DCAF8: variants seen among roughly 807,000 people sequenced by gnomAD.
DCAF8 encodes DDB1- and CUL4-associated factor 8.
In DCAF8, 20 loss-of-function variants were observed where a neutral mutation model predicts 68.0. The observed-to-expected ratio is 0.29, with a 90% CI of 0.21 to 0.43. DCAF8 has a LOEUF of 0.43. Ranked by LOEUF, DCAF8 falls within the 20% of genes least tolerant of loss-of-function variation. The probability of loss-of-function intolerance (pLI) is 1.00; values close to 1 mark genes in which losing one functional copy is unlikely to be tolerated. For missense variants in DCAF8, 460 were observed against 771.0 expected (o/e 0.60, Z 4.78); for synonymous variants, 230 against 276.9 (o/e 0.83, Z 1.68).
chr1:160,235,102 A>G (rs1257760192), intron 6 of DCAF8, among the ~76,000 whole-genome samples: 1 of 151,956 alleles, frequency 6.6e-6, no homozygotes, highest in East Asian at 1.9e-4. Flanking sequence ...CCCTTACTCA[A>G]TACTGGTACT....
At chr1:160,241,411 G>C (rs1656111120) in intron 3 of DCAF8, among the ~76,000 whole-genome samples, 1 of 152,182 alleles carries the variant, frequency 6.6e-6, no homozygotes, top group Non-Finnish European at 1.5e-5. Flanking sequence ...ATATAAAATT[G>C]ATAAAAAGCT....
At chr1:160,256,012 CTT>C (rs11284812) in intron 2 of DCAF8, among the ~76,000 whole-genome samples, 1,961 of 75,380 alleles carry the variant, frequency 0.026, 51 homozygotes, top group African/African-American at 0.076. Context: ...ACTAAGCAAA[CTT>C]TTTTTTTTTT....
chr1:160,260,749 A>AT (rs1328039739), intron 2 of DCAF8, among the ~76,000 whole-genome samples: 2 of 151,020 alleles, frequency 1.3e-5, no homozygotes, highest in African/African-American at 4.9e-5. Flanking sequence ...ATTTCCCACT[A>AT]TATCCTAAAA....
In DCAF8 at chr1:160,237,204, C is replaced by T; in HGVS notation, c.890G>A (p.Cys297Tyr). The change falls in exon 6 of 14, where the codon TGT becomes TAT. Residue 297 changes from cysteine (C) to tyrosine (Y), a missense_variant. Around this residue, in one of 8 missense-constraint regions of DCAF8, gnomAD observed 170 missense variants for 318.2 expected, o/e 0.53. Coordinates refer to ENST00000368074, the MANE Select transcript of DCAF8 (RefSeq NM_015726.4). ...ATCTTCACCTGCAGATAAGAACGTACAGGGAGAGTCTGGTTCCAGTGCCAA... is the reference window on the plus strand; with the variant it reads ...ATCTTCACCTGCAGATAAGAACGTATAGGGAGAGTCTGGTTCCAGTGCCAA... ...HKLALEPDSPCTFLSAGEDAV... is the reference protein window; with the variant it reads ...HKLALEPDSPYTFLSAGEDAV... 1 of 1,575,282 alleles carries T rather than the reference C, an allele frequency of 6.3e-7. No homozygotes were observed. The highest frequency in any genetic ancestry group is 1.3e-5 in the African/African-American group (1 of 74,596).
Position 160,262,458 on chromosome 1 carries a change from C to T in DCAF8, c.-110G>A, listed in dbSNP as rs938301400. ...GCCGCCGCCATCTTACACTGGCCAG[C>T]GGCCGCCACCACCACCGCCTCCGCT... On this transcript the variant is annotated 5_prime_UTR_variant, in exon 1 of 14. Transcript: ENST00000368074. 2.5e-6 allele frequency: 1 copy of T among 401,180 alleles called. No homozygotes were observed. Among genetic ancestry groups the T allele is most frequent in the Admixed American group, 4.4e-5 (1 of 22,752 alleles). 24.9% of individuals were successfully genotyped at this position (401,180 alleles called of 1,614,324 possible).
intron 7 of DCAF8, among the ~76,000 whole-genome samples, chr1:160,228,615 T>C (rs984651671): frequency 6.6e-6 from 1 of 151,780 alleles, no homozygotes; most frequent in African/African-American, 2.4e-5. Context: ...CTTACCTTTT[T>C]TTTTTTTTTG....
At chr1:160,224,870 G>C (rs1011681161) in intron 9 of DCAF8, among the ~76,000 whole-genome samples, 192 bp downstream of exon 9, 7 of 152,238 alleles carry the variant, frequency 4.6e-5, no homozygotes, top group Non-Finnish European at 1.0e-4. Context: ...TTCTGCAAAT[G>C]GTACCTGGCA....
intron 2 of DCAF8, among the ~76,000 whole-genome samples, chr1:160,258,757 A>AT (rs1656942047): frequency 2.7e-3 from 1 of 364 alleles, no homozygotes; most frequent in African/African-American, 0.017. Flanking sequence ...CTCTACAAAA[A>AT]TAAAAAAAAC....
At chr1:160,241,070 T>C (rs576603501) in intron 3 of DCAF8, among the ~76,000 whole-genome samples, 3 of 152,302 alleles carry the variant, frequency 2.0e-5, no homozygotes, top group Admixed American at 6.5e-5. Flanking sequence ...TAGAATGGCA[T>C]GAACCCAGGA....
At chr1:160,259,281 TC>T (rs1442901001) in intron 2 of DCAF8, among the ~76,000 whole-genome samples, 2 of 152,184 alleles carry the variant, frequency 1.3e-5, no homozygotes, top group Non-Finnish European at 2.9e-5. Context: ...ACACCTGTAA[TC>T]CTAGCACTTT....
intron 4 of DCAF8, chr1:160,239,407 C>A (rs1656012273): frequency 7.1e-7 from 1 of 1,416,620 alleles, no homozygotes; most frequent in African/African-American, 1.4e-5. Flanking sequence ...TGAACTCAGG[C>A]AGTTTGGTTC....
At chr1:160,239,486 A>G in intron 4 of DCAF8, 2 of 1,466,030 alleles carry the variant, frequency 1.4e-6, no homozygotes, top group Non-Finnish European at 1.8e-6. Context: ...CACCCTACCT[A>G]TGAGGCTTCC....
chr1:160,243,304 G>GAAAT, intron 3 of DCAF8, among the ~76,000 whole-genome samples: 1 of 152,046 alleles, frequency 6.6e-6, no homozygotes, highest in East Asian at 1.9e-4. Context: ...AGGAAGGAAG[G>GAAAT]AAATAAATGG....
Position 160,216,002 on chromosome 1 carries a change from T to C in DCAF8, c.*1590A>G, listed in dbSNP as rs1373053522. The C allele has an allele frequency of 6.6e-6, 1 of 152,178 alleles. No individual in the cohort carries two copies. The highest frequency in any genetic ancestry group is 1.5e-5 in the Non-Finnish European group (1 of 68,020). 9.4% of individuals were successfully genotyped at this position (152,178 alleles called of 1,614,324 possible). ...CTGTCCCAGGATACAGAATTCTTGG[T>C]TGGATCTTGTGGAACTGGGGGCAAA... On this transcript the variant is annotated 3_prime_UTR_variant, in exon 14 of 14. Coordinates refer to ENST00000368074, the MANE Select transcript of DCAF8 (RefSeq NM_015726.4).
chr1:160,242,474 G>A (rs1422512539), intron 3 of DCAF8, among the ~76,000 whole-genome samples: 2 of 151,974 alleles, frequency 1.3e-5, no homozygotes, highest in African/African-American at 4.8e-5. Context: ...CTGTAGAAAA[G>A]AAAAAATAAA....
chr1:160,253,943 T>A (rs1355335436), intron 2 of DCAF8, among the ~76,000 whole-genome samples: 1 of 152,186 alleles, frequency 6.6e-6, no homozygotes, highest in Non-Finnish European at 1.5e-5. Context: ...TCCCCTGGAA[T>A]TATCTCAGAG....
chr1:160,226,616 C>T (rs1028853953), intron 7 of DCAF8, among the ~76,000 whole-genome samples: 3 of 152,192 alleles, frequency 2.0e-5, no homozygotes, highest in African/African-American at 7.2e-5. Flanking sequence ...TATCTAATTT[C>T]TCAACCTCTT....
chr1:160,229,858 C>G (rs1317696885), intron 7 of DCAF8, among the ~76,000 whole-genome samples: 1 of 152,112 alleles, frequency 6.6e-6, no homozygotes, highest in African/African-American at 2.4e-5. Context: ...CTCGGTTCTA[C>G]TGAAAATACA....
At chr1:160,243,569 C>A (rs1195877093) in intron 3 of DCAF8, among the ~76,000 whole-genome samples, 5 of 152,102 alleles carry the variant, frequency 3.3e-5, no homozygotes, top group Non-Finnish European at 7.4e-5. Flanking sequence ...CAAACTACTA[C>A]TTACTGTGGA....
Sources: gnomAD v4.1 joint callset for allele counts (sites outside exome capture counted in the v4.1 genomes callset) on GRCh38, gnomAD v4.1.1 for gene constraint, gnomAD v4.1.1 regional missense constraint, MANE v1.5 for transcripts, NCBI Gene and HGNC (gene_info 2026-07-23, HGNC 2026-07-21) for gene names.